Variants in ESR1 observed in about 807,000 individuals in gnomAD.
The protein encoded by ESR1 is estrogen receptor.
In ESR1, 12 loss-of-function variants were observed where a neutral mutation model predicts 52.7. The observed-to-expected ratio is 0.23, with a 90% CI of 0.15 to 0.37. ESR1 has a LOEUF of 0.37. ESR1 is among the 10% of genes least tolerant of loss of function. ESR1 has a pLI of 1.00. For synonymous variants in ESR1, 305 were observed against 316.8 expected (o/e 0.96, Z 0.39); for missense variants, 584 against 779.7 (o/e 0.75, Z 2.99).
chr6:151,994,873 T>C (rs1393010501), intron 4 of ESR1, among the ~76,000 whole-genome samples: 3 of 152,180 alleles, frequency 2.0e-5, no homozygotes, highest in African/African-American at 4.8e-5. Context: ...TTTGAGAAAT[T>C]ATCATTGGAA....
intron 1 of ESR1, among the ~76,000 whole-genome samples, chr6:151,808,576 C>G (rs1322033040): frequency 6.6e-6 from 1 of 152,122 alleles, no homozygotes; most frequent in Non-Finnish European, 1.5e-5. Flanking sequence ...CGCCGGGCAG[C>G]TGAAAAAAAC....
At chr6:151,762,726 G>A (rs1784748284) in intron 2 of ESR1, among the ~76,000 whole-genome samples, 1 of 152,184 alleles carries the variant, frequency 6.6e-6, no homozygotes, top group African/African-American at 2.4e-5. Flanking sequence ...CACTTTGGGA[G>A]GCTGAAGTGG....
At chr6:151,694,194 A>G (rs550564861) in intron 1 of ESR1, among the ~76,000 whole-genome samples, 1 of 152,356 alleles carries the variant, frequency 6.6e-6, no homozygotes, top group East Asian at 1.9e-4. Context: ...ACACAGCTTC[A>G]AAAGTGACAG....
chr6:151,893,037 A>G (rs1159322727), intron 3 of ESR1, among the ~76,000 whole-genome samples: 1 of 152,194 alleles, frequency 6.6e-6, no homozygotes, highest in Non-Finnish European at 1.5e-5. Flanking sequence ...AAAAATATAA[A>G]AAAATTAGCC....
At chr6:152,054,738 G>A (rs2046965718) in intron 5 of ESR1, among the ~76,000 whole-genome samples, 1 of 152,104 alleles carries the variant, frequency 6.6e-6, no homozygotes, top group Non-Finnish European at 1.5e-5. Context: ...CCCTGAATAG[G>A]TCTTCTCTTC....
chr6:151,986,924 C>T lies in ESR1; in HGVS notation c.1097-24732C>T, dbSNP rs536700152. Among the ~76,000 whole-genome samples, 4 of 151,680 alleles carry T rather than the reference C, an allele frequency of 2.6e-5. No homozygotes were observed. In the East Asian group the frequency reaches 5.8e-4, roughly 22 times the overall value. On this transcript the variant is annotated intron_variant, in intron 4 of 7. Coordinates refer to ENST00000206249, the MANE Select transcript of ESR1 (RefSeq NM_000125.4). The stretch of plus-strand genomic sequence containing the variant: ...GAGCATGTGTGTGTGTGTGTGTGCA[C>T]GCGAGCACGTGTGTGTGTGTGCGCG...
Position 151,944,506 on chromosome 6 carries a change from CAG to C in ESR1, c.1095_1096del (p.Gly366LeufsTer8). On this transcript the variant is annotated frameshift_variant and splice_region_variant, in exon 4 of 8. Transcript: ENST00000206249. LOFTEE classifies it high-confidence loss of function. ...ATGATCAACTGGGCGAAGAGGGTGC[CAG>C]GTAAGAATGCGAAGCGCAGCTTTTA... The C allele has an allele frequency of 6.2e-7, 1 of 1,614,044 alleles. No homozygotes were observed. The highest frequency in any genetic ancestry group is 8.5e-7 in the Non-Finnish European group (1 of 1,179,926).
intron 6 of ESR1, among the ~76,000 whole-genome samples, chr6:152,090,005 C>T (rs1205481605): frequency 2.0e-5 from 3 of 152,214 alleles, no homozygotes; most frequent in Admixed American, 6.5e-5. Flanking sequence ...GTCCCTTCCA[C>T]GAAGTGGCAG....
chr6:151,947,925 C>CTT (rs1265730420), intron 4 of ESR1, among the ~76,000 whole-genome samples: 1 of 152,102 alleles, frequency 6.6e-6, no homozygotes, highest in African/African-American at 2.4e-5. Context: ...ATCGAGAAGA[C>CTT]TTTTCTCCTT....
At chr6:151,899,147 C>T (rs1175515589) in intron 3 of ESR1, among the ~76,000 whole-genome samples, 27 of 142,830 alleles carry the variant, frequency 1.9e-4, no homozygotes, top group Admixed American at 8.8e-4. Context: ...GCCTCCCTCC[C>T]GGACGGGGCG....
intron 3 of ESR1, among the ~76,000 whole-genome samples, chr6:151,921,995 TG>T (rs929501541): frequency 1.3e-5 from 2 of 152,154 alleles, no homozygotes; most frequent in Non-Finnish European, 2.9e-5. Context: ...TTGGCAGTTT[TG>T]TCATGAAATC....
chr6:151,723,763 G>C lies in ESR1; in HGVS notation c.-71+21758G>C, dbSNP rs145237881. ...GCATTCCTGTAATCCTTAGCTACTC[G>C]GGAGGCTGAGGCAGGAGAATCGCTT... On this transcript the variant is annotated intron_variant, in intron 2 of 2. Transcript: ENST00000404742. Among the ~76,000 whole-genome samples, 3 of 152,074 alleles carry C rather than the reference G, an allele frequency of 2.0e-5. No individual in the cohort carries two copies. In the South Asian group the frequency reaches 6.2e-4, roughly 32 times the overall value.
intron 4 of ESR1, among the ~76,000 whole-genome samples, chr6:152,007,679 T>C (rs2042435615): frequency 6.6e-6 from 1 of 152,124 alleles, no homozygotes. Context: ...TACTACTTTT[T>C]CGATATGCAT....
chr6:151,737,005 T>C (rs1270411881), intron 2 of ESR1, among the ~76,000 whole-genome samples: 1 of 152,214 alleles, frequency 6.6e-6, no homozygotes, highest in Non-Finnish European at 1.5e-5. Flanking sequence ...CTTAGCTATA[T>C]ATACTTTCTG....
upstream of ESR1, chr6:151,804,316 C>T (rs1246362927): frequency 6.6e-6 from 1 of 152,180 alleles, no homozygotes; most frequent in East Asian, 1.9e-4. Context: ...AGCTAACCTT[C>T]TTATTCTTCC....
chr6:152,088,990 T>G (rs2049967227), intron 6 of ESR1, among the ~76,000 whole-genome samples: 1 of 152,218 alleles, frequency 6.6e-6, no homozygotes, highest in East Asian at 1.9e-4. Flanking sequence ...TTATCCTATC[T>G]TAATATCCCA....
intron 2 of ESR1, among the ~76,000 whole-genome samples, chr6:151,716,587 G>A (rs1322688304): frequency 1.3e-5 from 2 of 152,176 alleles, no homozygotes; most frequent in Non-Finnish European, 2.9e-5. Context: ...GAGCTGCGAT[G>A]TGCTTCACCC....
intron 4 of ESR1, among the ~76,000 whole-genome samples, chr6:151,957,387 G>T (rs1192823313): frequency 6.6e-6 from 1 of 152,118 alleles, no homozygotes; most frequent in Non-Finnish European, 1.5e-5. Context: ...AACTAGGATA[G>T]AAACCAGTTT....
At chr6:151,818,711 G>T (rs1271484878) in intron 1 of ESR1, among the ~76,000 whole-genome samples, 4 of 151,940 alleles carry the variant, frequency 2.6e-5, no homozygotes, top group African/African-American at 9.7e-5. Context: ...ATTGCTGTTA[G>T]GAGTTCCTCA....
Sources: allele counts gnomAD v4.1 joint callset (sites outside exome capture counted in the v4.1 genomes callset), GRCh38; gene constraint gnomAD v4.1.1; transcripts MANE v1.5; gene names NCBI Gene and HGNC (gene_info 2026-07-23, HGNC 2026-07-21).